UNC13B: variants seen among roughly 807,000 people sequenced by gnomAD.
UNC13B encodes protein unc-13 homolog B.
Under a neutral mutation model 211.0 loss-of-function variants are expected in UNC13B, and 144 were observed. The ratio of observed to expected loss-of-function variants is 0.68; its 90% CI spans 0.60 to 0.78. The LOEUF is 0.78. UNC13B is among the 30% of genes least tolerant of loss of function. UNC13B has a pLI of 0.00. For missense variants in UNC13B, 1,777 were observed against 2,002.0 expected, an observed-to-expected ratio of 0.89 and a Z score of 2.14; for synonymous variants, 709 against 725.8, an observed-to-expected ratio of 0.98 and a Z score of 0.37.
intron 5 of UNC13B, among the ~76,000 whole-genome samples, chr9:35,241,990 TA>T (rs1469986392): frequency 6.6e-6 from 1 of 152,198 alleles, no homozygotes; most frequent in Non-Finnish European, 1.5e-5. Context: ...ATGTGGCTAC[TA>T]GAAAGTGTAT....
chr9:35,327,281 C>T (rs1831071188), intron 11 of UNC13B, among the ~76,000 whole-genome samples: 1 of 152,148 alleles, frequency 6.6e-6, no homozygotes, highest in South Asian at 2.1e-4. Context: ...AATTGGCTTA[C>T]ATGATTACAA....
chr9:35,341,830 G>A, intron 11 of UNC13B: 1 of 734,810 alleles, frequency 1.4e-6, no homozygotes, highest in Non-Finnish European at 1.7e-6. Flanking sequence ...GGAGGTTGCA[G>A]GCAGGAAGCA....
intron 11 of UNC13B, among the ~76,000 whole-genome samples, chr9:35,362,394 T>A (rs1461827344): frequency 6.6e-6 from 1 of 152,220 alleles, no homozygotes; most frequent in Non-Finnish European, 1.5e-5. Context: ...CAGTGGTTAA[T>A]GTGTTGTGAT....
intron 11 of UNC13B, among the ~76,000 whole-genome samples, chr9:35,316,875 C>G (rs1226736459): frequency 6.6e-6 from 1 of 151,768 alleles, no homozygotes; most frequent in Non-Finnish European, 1.5e-5. Context: ...TAAAGTCATT[C>G]TATAACAAAA....
At chr9:35,328,662 T>TCCTTCCTTCCTC (rs1831182206) in intron 11 of UNC13B, among the ~76,000 whole-genome samples, 1 of 88,162 alleles carries the variant, frequency 1.1e-5, no homozygotes, top group African/African-American at 6.5e-5. Flanking sequence ...CTTCCTTCCT[T>TCCTTCCTTCCTC]CCTCCCTCCC....
intron 7 of UNC13B, among the ~76,000 whole-genome samples, chr9:35,289,701 G>A (rs1045786780): frequency 1.3e-5 from 2 of 152,180 alleles, no homozygotes; most frequent in African/African-American, 4.8e-5. Flanking sequence ...TCTTGGCTGA[G>A]CATGGTGGCT....
chr9:35,181,128 A>C (rs1305313182), intron 1 of UNC13B, among the ~76,000 whole-genome samples: 1 of 152,030 alleles, frequency 6.6e-6, no homozygotes, highest in Non-Finnish European at 1.5e-5. Flanking sequence ...AAAACAAAAC[A>C]ATGGCATTTC....
chr9:35,265,296 G>A (rs539695547), intron 7 of UNC13B, among the ~76,000 whole-genome samples: 1 of 152,298 alleles, frequency 6.6e-6, no homozygotes, highest in East Asian at 1.9e-4. Context: ...TGACAGGGCT[G>A]GGGCCCATTT....
In UNC13B at chr9:35,381,672, T is replaced by C. The variant is rs1834848087; in HGVS notation, c.10608T>C (p.Asp3536=). Residue 3536 remains aspartate, a synonymous_variant, in exon 20 of 40, where the codon GAT becomes GAC. Coordinates refer to ENST00000635942, the MANE Select transcript of UNC13B (RefSeq NM_001371189.2). ...ATGAGACAGCCCAAGAAATTGTGGA[T>C]GAATTTGCCATGCGTTATGGCATTG... ...YFDETAQEIV[D]EFAMRYGIES... is the part of the protein sequence containing the mutation. The C allele has an allele frequency of 2.5e-6, 4 of 1,614,084 alleles. No individual in the cohort carries two copies.
intron 6 of UNC13B, among the ~76,000 whole-genome samples, chr9:35,252,468 C>T: frequency 6.6e-6 from 1 of 151,774 alleles, no homozygotes; most frequent in Non-Finnish European, 1.5e-5. Context: ...CCATGCCTGG[C>T]TAATTTTTGT....
chr9:35,338,273 G>GT (rs1268444802), intron 11 of UNC13B, among the ~76,000 whole-genome samples: 1 of 152,182 alleles, frequency 6.6e-6, no homozygotes, highest in African/African-American at 2.4e-5. Flanking sequence ...TTATGTTCAA[G>GT]TTTCTGCTAA....
chr9:35,258,273 C>T (rs1827051507), intron 6 of UNC13B, among the ~76,000 whole-genome samples: 1 of 152,184 alleles, frequency 6.6e-6, no homozygotes, highest in African/African-American at 2.4e-5. Flanking sequence ...AGACTATTCT[C>T]ACTGTCTTCC....
intron 1 of UNC13B, among the ~76,000 whole-genome samples, chr9:35,214,645 A>T (rs1328301209): frequency 6.6e-6 from 1 of 152,126 alleles, no homozygotes; most frequent in Non-Finnish European, 1.5e-5. Context: ...AAAGTCCAAC[A>T]TAGTTAATAG....
intron 11 of UNC13B, among the ~76,000 whole-genome samples, chr9:35,350,217 C>T (rs1212871353): frequency 6.6e-6 from 1 of 152,184 alleles, no homozygotes; most frequent in Non-Finnish European, 1.5e-5. Context: ...AGGTAATCAT[C>T]GTCTCTGCCT....
At chr9:35,318,323 G>A (rs1014997553) in intron 11 of UNC13B, among the ~76,000 whole-genome samples, 1 of 152,166 alleles carries the variant, frequency 6.6e-6, no homozygotes, top group Non-Finnish European at 1.5e-5. Context: ...ATGAGATTTA[G>A]TAACATATTG....
Position 35,243,275 on chromosome 9 carries a change from C to T in UNC13B, c.395-16C>T, listed in dbSNP as rs1825904805. 1 of 1,608,350 alleles carries T rather than the reference C, an allele frequency of 6.2e-7. No homozygotes were observed. Among genetic ancestry groups the T allele is most frequent in the Non-Finnish European group, 8.5e-7 (1 of 1,175,884 alleles). On this transcript the variant is annotated splice_polypyrimidine_tract_variant and intron_variant, in intron 5 of 39. Coordinates refer to ENST00000635942, the MANE Select transcript of UNC13B (RefSeq NM_001371189.2). ...TGATGTGATTTCTTTTCTTTTTCTT[C>T]TTTTTTTTATGGTAGATATCCCAGA...
At chr9:35,291,117 T>A in intron 7 of UNC13B, 1 of 1,550,202 alleles carries the variant, frequency 6.5e-7, no homozygotes, top group Non-Finnish European at 8.7e-7. Context: ...ACGTAAGAAT[T>A]GAAATTCCTT....
chr9:35,215,508 A>T (rs185586966), intron 1 of UNC13B, among the ~76,000 whole-genome samples: 29 of 152,346 alleles, frequency 1.9e-4, no homozygotes, highest in Admixed American at 5.9e-4. Flanking sequence ...GTTCCTGACA[A>T]CAATAGGATG....
intron 20 of UNC13B, among the ~76,000 whole-genome samples, 191 bp from the exon 21 acceptor site, chr9:35,382,166 A>C (rs1478013726): frequency 6.6e-6 from 1 of 152,200 alleles, no homozygotes; most frequent in African/African-American, 2.4e-5. Flanking sequence ...CCAGATTGCT[A>C]TGAGAAGCAG....
Sources: allele counts gnomAD v4.1 joint callset (sites outside exome capture counted in the v4.1 genomes callset), GRCh38; gene constraint gnomAD v4.1.1; transcripts MANE v1.5; gene names NCBI Gene and HGNC (gene_info 2026-07-23, HGNC 2026-07-21).